DLGAP2: variants seen among roughly 807,000 people sequenced by gnomAD.
The protein encoded by DLGAP2 is disks large-associated protein 2.
DLGAP2 carries 26 observed loss-of-function variants against 100.3 expected under a neutral mutation model. The observed-to-expected ratio is 0.26, with a 90% CI of 0.19 to 0.36. The LOEUF (loss-of-function observed/expected upper bound fraction) is 0.36. Among genes scored for constraint, DLGAP2 ranks in the 10% least tolerant of loss-of-function variants. DLGAP2 has a pLI of 1.00. For missense variants in DLGAP2, 1,858 were observed against 1,453.2 expected (o/e 1.28, Z -4.53); for synonymous variants, 886 against 630.1 (o/e 1.41, Z -6.08).
chr8:1,086,350 A>T lies in DLGAP2; in HGVS notation c.74-172501A>T, dbSNP rs534252809. 2.5e-3 allele frequency among the ~76,000 whole-genome samples: 378 copies of T among 152,320 alleles called. 1 individual carries two copies. The highest frequency in any genetic ancestry group is 0.014 in the Middle Eastern group (4 of 294). On this transcript the variant is annotated intron_variant, in intron 2 of 14. Coordinates refer to ENST00000637795, the MANE Select transcript of DLGAP2 (RefSeq NM_001346810.2). ...TTTGTCTTGTTTTGGGTGTCAGAGA[A>T]AAAGCTTTCAACTTTTCTACATTGA... is the stretch of plus-strand genomic sequence containing the variant.
At chr8:947,907 G>A (rs575153742) in intron 2 of DLGAP2, among the ~76,000 whole-genome samples, 40 of 137,684 alleles carry the variant, frequency 2.9e-4, no homozygotes, top group African/African-American at 1.1e-3. Flanking sequence ...TGGCCCCACC[G>A]AACCCGTGCC....
At chr8:1,216,279 C>T (rs559496231) in intron 2 of DLGAP2, among the ~76,000 whole-genome samples, 1 of 152,252 alleles carries the variant, frequency 6.6e-6, no homozygotes, top group African/African-American at 2.4e-5. Flanking sequence ...ACAGACAGCT[C>T]AGTCAACTTC....
intron 1 of DLGAP2, among the ~76,000 whole-genome samples, chr8:741,470 A>T (rs1485127230): frequency 6.6e-6 from 1 of 152,070 alleles, no homozygotes; most frequent in Non-Finnish European, 1.5e-5. Context: ...GCAGTCCCTT[A>T]ACTTTAGCTC....
At chr8:1,417,031 C>T (rs1796906633) in intron 3 of DLGAP2, among the ~76,000 whole-genome samples, 1 of 82,636 alleles carries the variant, frequency 1.2e-5, no homozygotes, top group African/African-American at 6.3e-5. Context: ...GAGCAGCCGT[C>T]AGCGGTCCCG....
chr8:1,575,530 A>G (rs974433631), intron 6 of DLGAP2, among the ~76,000 whole-genome samples: 1 of 150,310 alleles, frequency 6.7e-6, no homozygotes, highest in Non-Finnish European at 1.5e-5. Context: ...CAGGTTTGCT[A>G]CATATGTATA....
rs115898270 is a variant in DLGAP2, at chr8:750,922, C to G, written c.18+13097C>G. Among the ~76,000 whole-genome samples the G allele has an allele frequency of 1.2e-3, 177 of 152,136 alleles. 1 individual carries two copies. Among genetic ancestry groups the G allele is most frequent in the African/African-American group, 4.2e-3 (172 of 41,374 alleles). ...TGTTCCGAAATATTTGTCACTGGGCCCCGGCTCGTTTTGTCTGAGAAGGTG... is the reference window on the plus strand; with the variant it reads ...TGTTCCGAAATATTTGTCACTGGGCGCCGGCTCGTTTTGTCTGAGAAGGTG... On this transcript the variant is annotated intron_variant, in intron 1 of 14. Transcript: ENST00000637795.
chr8:739,581 A>G (rs1820430369), intron 1 of DLGAP2: 2 of 152,236 alleles, frequency 1.3e-5, no homozygotes, highest in African/African-American at 4.8e-5. Context: ...ACCAAGGCCA[A>G]AAATGGCGAA....
chr8:1,163,865 C>T (rs1043880087), intron 2 of DLGAP2, among the ~76,000 whole-genome samples: 1 of 152,166 alleles, frequency 6.6e-6, no homozygotes, highest in African/African-American at 2.4e-5. Context: ...ACTGCGGCTG[C>T]CGACACGTCC....
chr8:970,312 G>A (rs951434898), intron 2 of DLGAP2, among the ~76,000 whole-genome samples: 1 of 152,230 alleles, frequency 6.6e-6, no homozygotes, highest in Non-Finnish European at 1.5e-5. Flanking sequence ...TGACTTTATA[G>A]TAAGGATGTT....
intron 1 of DLGAP2, among the ~76,000 whole-genome samples, chr8:772,813 C>T (rs919717270): frequency 1.3e-4 from 20 of 152,194 alleles, no homozygotes; most frequent in African/African-American, 3.9e-4. Context: ...GAATTAAGTG[C>T]TCTGCAAATC....
At chr8:1,264,957 C>G (rs983136518) in intron 3 of DLGAP2, among the ~76,000 whole-genome samples, 1 of 152,226 alleles carries the variant, frequency 6.6e-6, no homozygotes, top group Non-Finnish European at 1.5e-5. Flanking sequence ...CTCTTGCCTG[C>G]TGCCATGTAA....
intron 1 of DLGAP2, chr8:740,402 A>C (rs1325067679): frequency 6.6e-6 from 1 of 152,208 alleles, no homozygotes; most frequent in Non-Finnish European, 1.5e-5. Context: ...GTTACTTGTG[A>C]TTTAAATGGG....
chr8:1,219,061 T>G (rs924237482), intron 2 of DLGAP2, among the ~76,000 whole-genome samples: 5 of 152,222 alleles, frequency 3.3e-5, no homozygotes, highest in African/African-American at 1.2e-4. Context: ...AATCATATAG[T>G]CTAAAGACAG....
intron 3 of DLGAP2, among the ~76,000 whole-genome samples, chr8:1,392,571 A>G (rs976152315): frequency 6.6e-6 from 1 of 152,198 alleles, no homozygotes; most frequent in Non-Finnish European, 1.5e-5. Flanking sequence ...AAGGCCCAAA[A>G]TAGACTCTGC....
chr8:1,193,233 T>C (rs759900628), intron 2 of DLGAP2, among the ~76,000 whole-genome samples: 3 of 152,200 alleles, frequency 2.0e-5, no homozygotes, highest in East Asian at 1.9e-4. Flanking sequence ...TTCTAGATCC[T>C]TGAGGAATCG....
At chr8:1,517,864 A>G (rs1800447175) in intron 4 of DLGAP2, among the ~76,000 whole-genome samples, 1 of 152,218 alleles carries the variant, frequency 6.6e-6, no homozygotes, top group African/African-American at 2.4e-5. Flanking sequence ...GGGCAGGGTC[A>G]TGGAATAAGA....
At position 947,025 on chromosome 8, in the gene DLGAP2, G is replaced by A. The variant is rs555879255; in HGVS notation, c.73+39059G>A. Among the ~76,000 whole-genome samples the A allele has an allele frequency of 6.2e-4, 94 of 152,284 alleles. 2 individuals are homozygous for A. Among genetic ancestry groups the A allele is most frequent in the Middle Eastern group, 3.4e-3 (1 of 294 alleles). ...GGTGGCTGCACTCGGCTGCACCTGCGGCTGGAACGGCTTCAGGCTCCCAGG... is the reference window on the plus strand; with the variant it reads ...GGTGGCTGCACTCGGCTGCACCTGCAGCTGGAACGGCTTCAGGCTCCCAGG... On this transcript the variant is annotated intron_variant, in intron 2 of 14. Transcript: ENST00000637795.
At chr8:1,585,646 A>C (rs994759489) in intron 6 of DLGAP2, among the ~76,000 whole-genome samples, 2 of 152,174 alleles carry the variant, frequency 1.3e-5, no homozygotes, top group African/African-American at 4.8e-5. Flanking sequence ...CGAGCTCACC[A>C]CAGGGAGACA....
chr8:1,363,558 T>C (rs1435785696), intron 3 of DLGAP2, among the ~76,000 whole-genome samples: 1 of 152,188 alleles, frequency 6.6e-6, no homozygotes, highest in Non-Finnish European at 1.5e-5. Flanking sequence ...TCCCCGGCAT[T>C]TCCAGAGGAA....
Sources: allele counts gnomAD v4.1 joint callset (sites outside exome capture counted in the v4.1 genomes callset), GRCh38; gene constraint gnomAD v4.1.1; transcripts MANE v1.5; gene names NCBI Gene and HGNC (gene_info 2026-07-23, HGNC 2026-07-21).